Variants in PDZRN3 observed in about 807,000 individuals in gnomAD.
PDZRN3 encodes E3 ubiquitin-protein ligase PDZRN3.
In PDZRN3, 38 loss-of-function variants were observed where a neutral mutation model predicts 85.7. The ratio of observed to expected loss-of-function variants is 0.44; its 90% CI spans 0.34 to 0.58. The LOEUF (loss-of-function observed/expected upper bound fraction) is 0.58. Among genes scored for constraint, PDZRN3 ranks in the 20% least tolerant of loss-of-function variants. The pLI is 0.01. For synonymous variants in PDZRN3, 759 were observed against 638.0 expected (o/e 1.19, Z -2.86); for missense variants, 1,629 against 1,506.4 (o/e 1.08, Z -1.35).
intron 5 of PDZRN3, among the ~76,000 whole-genome samples, chr3:73,393,954 G>A (rs886224864): frequency 6.6e-6 from 1 of 152,090 alleles, no homozygotes; most frequent in African/African-American, 2.4e-5. Context: ...GGACTGTTAA[G>A]CTACAGAGTA....
intron 3 of PDZRN3, among the ~76,000 whole-genome samples, chr3:73,527,642 A>AG (rs1454871024): frequency 1.3e-5 from 2 of 152,190 alleles, no homozygotes; most frequent in African/African-American, 4.8e-5. Context: ...TCTATGAATA[A>AG]AGTTGTTTCA....
At chr3:73,452,839 C>CTCTGTGTGTGTGTGTGTGTGTGTG (rs1553690746) in intron 3 of PDZRN3, among the ~76,000 whole-genome samples, 2 of 140,618 alleles carry the variant, frequency 1.4e-5, no homozygotes, top group African/African-American at 5.4e-5. Context: ...GTCCATATAT[C>CTCTGTGTGTGTGTGTGTGTGTGTG]TGTGTGTGTG....
chr3:73,623,145 A>G (rs921707420), intron 1 of PDZRN3, among the ~76,000 whole-genome samples: 1 of 152,212 alleles, frequency 6.6e-6, no homozygotes, highest in African/African-American at 2.4e-5. Flanking sequence ...GATGTTAAAA[A>G]TAATTCTAGG....
At chr3:73,531,250 C>CAAAAA (rs60520136) in intron 3 of PDZRN3, among the ~76,000 whole-genome samples, 2 of 63,932 alleles carry the variant, frequency 3.1e-5, no homozygotes, top group Non-Finnish European at 6.0e-5. Context: ...GACTTCGTCT[C>CAAAAA]AAAAAAAAAA....
intron 3 of PDZRN3, among the ~76,000 whole-genome samples, chr3:73,545,382 C>CT (rs1293045202): frequency 1.3e-5 from 2 of 152,200 alleles, no homozygotes; most frequent in Non-Finnish European, 2.9e-5. Flanking sequence ...CTGGTAGCTA[C>CT]TGCTGTAAAG....
Position 73,624,836 on chromosome 3 carries a change from A to T in PDZRN3, c.-11T>A. ...CAGCTCGAAGCCCATGGTGGCGGCC[A>T]GGCCCCGGGGTCGCCGCCGGGCGGC... On this transcript the variant is annotated 5_prime_UTR_variant, in exon 1 of 10. Coordinates refer to ENST00000263666, the MANE Select transcript of PDZRN3 (RefSeq NM_015009.3). 1 of 1,294,242 alleles carries T rather than the reference A, an allele frequency of 7.7e-7. No individual in the cohort carries two copies. The highest frequency in any genetic ancestry group is 3.9e-5 in the Admixed American group (1 of 25,950). 80.2% of individuals were successfully genotyped at this position (1,294,242 alleles called of 1,614,324 possible).
chr3:73,384,014 G>C lies in PDZRN3; in HGVS notation c.2552C>G (p.Pro851Arg). The change falls in exon 10 of 10, where the codon CCC becomes CGC. Residue 851 changes from proline to arginine, a missense_variant. Coordinates refer to ENST00000263666, the MANE Select transcript of PDZRN3 (RefSeq NM_015009.3). The part of the protein sequence containing the change: ...RASDGSRSPT[P>R]SQKLGSAYLP... ...GTAGGCGCTGCCCAGCTTCTGGCTG[G>C]GCGTGGGGCTCCGGCTCCCGTCGCT... The C allele has an allele frequency of 6.3e-7, 1 of 1,590,994 alleles. No homozygotes were observed. The highest frequency in any genetic ancestry group is 8.5e-7 in the Non-Finnish European group (1 of 1,170,484).
At chr3:73,614,136 ATCT>A (rs1468534704) in intron 1 of PDZRN3, among the ~76,000 whole-genome samples, 1 of 152,154 alleles carries the variant, frequency 6.6e-6, no homozygotes, top group East Asian at 1.9e-4. Flanking sequence ...ACCCCAAATA[ATCT>A]TCTCAGCTTT....
At chr3:73,430,948 T>A (rs963929383) in intron 3 of PDZRN3, among the ~76,000 whole-genome samples, 2 of 152,224 alleles carry the variant, frequency 1.3e-5, no homozygotes, top group African/African-American at 4.8e-5. Flanking sequence ...AAGCAACTGT[T>A]AAATTTCAAA....
rs13315360 is a variant in PDZRN3 at position 73,416,720 on chromosome 3, A to G, written c.919-12325T>C. On this transcript the variant is annotated intron_variant, in intron 3 of 9. Coordinates refer to ENST00000263666, the MANE Select transcript of PDZRN3 (RefSeq NM_015009.3). ...AAACTCTCTGCAAAAAGGGATGCATATTCCCTAGCCCCAGTGGGGGAAGCT... is the reference window on the plus strand; with the variant it reads ...AAACTCTCTGCAAAAAGGGATGCATGTTCCCTAGCCCCAGTGGGGGAAGCT... 4.7e-3 allele frequency among the ~76,000 whole-genome samples: 715 copies of G among 152,266 alleles called. 9 individuals are homozygous for G. The highest frequency in any genetic ancestry group is 0.016 in the African/African-American group (665 of 41,540).
chr3:73,587,164 A>G (rs1419613607), intron 3 of PDZRN3, among the ~76,000 whole-genome samples: 1 of 152,244 alleles, frequency 6.6e-6, no homozygotes, highest in Non-Finnish European at 1.5e-5. Context: ...CCCTTTAGTG[A>G]GCCATGAAAT....
chr3:73,529,227 T>C (rs1293068389), intron 3 of PDZRN3, among the ~76,000 whole-genome samples: 1 of 152,222 alleles, frequency 6.6e-6, no homozygotes, highest in Admixed American at 6.5e-5. Context: ...TCTCAAGAGC[T>C]TGGTGGTCTA....
chr3:73,547,949 T>G (rs1701463937), intron 3 of PDZRN3, among the ~76,000 whole-genome samples: 1 of 152,216 alleles, frequency 6.6e-6, no homozygotes, highest in South Asian at 2.1e-4. Flanking sequence ...CTTACAAAAC[T>G]ACATTTTGAT....
intron 3 of PDZRN3, among the ~76,000 whole-genome samples, chr3:73,434,450 T>C (rs1446325390): frequency 6.6e-6 from 1 of 152,120 alleles, no homozygotes; most frequent in Non-Finnish European, 1.5e-5. Context: ...AATATAAAAA[T>C]TTAAATTGCA....
intron 3 of PDZRN3, among the ~76,000 whole-genome samples, chr3:73,510,584 C>T (rs575652887): frequency 1.3e-5 from 2 of 152,120 alleles, no homozygotes; most frequent in African/African-American, 2.4e-5. Flanking sequence ...TCATAGAGAT[C>T]GACTCCTGCA....
chr3:73,426,591 T>C lies in PDZRN3; in HGVS notation c.919-22196A>G, dbSNP rs142097531. Among the ~76,000 whole-genome samples the C allele has an allele frequency of 3.7e-3, 571 of 152,318 alleles. 3 individuals are homozygous for C. Among genetic ancestry groups the C allele is most frequent in the Non-Finnish European group, 6.7e-3 (457 of 68,022 alleles). On this transcript the variant is annotated intron_variant, in intron 3 of 9. Transcript: ENST00000263666. Reference sequence around the variant, plus strand: ...TCTAAGTGTCTGAGATGTGACTTCTTTGCTGCCTACTCATCCGACAAAGAC... The same window carrying C: ...TCTAAGTGTCTGAGATGTGACTTCTCTGCTGCCTACTCATCCGACAAAGAC...
At chr3:73,439,936 C>G (rs1320543352) in intron 3 of PDZRN3, among the ~76,000 whole-genome samples, 3 of 151,608 alleles carry the variant, frequency 2.0e-5, no homozygotes, top group South Asian at 2.1e-4. Context: ...TTGGGGTTCA[C>G]CATATTGGCC....
intron 3 of PDZRN3, among the ~76,000 whole-genome samples, chr3:73,482,865 G>A (rs979834356): frequency 2.0e-5 from 3 of 152,228 alleles, no homozygotes; most frequent in African/African-American, 7.2e-5. Context: ...CAGAAGCTAT[G>A]CTACTTGCTT....
Position 73,624,241 on chromosome 3 carries a change from C to A in PDZRN3, c.585G>T (p.Glu195Asp). Residue 195 changes from glutamate to aspartate, a missense_variant, in exon 1 of 10, where the codon GAG becomes GAT. Transcript: ENST00000263666. ...KKEALRAGKREKSLVAQLAAA... is the reference protein window; with the variant it reads ...KKEALRAGKRDKSLVAQLAAA... ...CGGCCAGCTGGGCCACCAGCGACTT[C>A]TCGCGCTTCCCAGCGCGCAGCGCCT... The A allele has an allele frequency of 6.8e-7, 1 of 1,469,690 alleles. No individual in the cohort carries two copies. The highest frequency in any genetic ancestry group is 1.3e-5 in the South Asian group (1 of 75,992). The allele number at this position is 1,469,690 out of a possible 1,614,324, so 91.0% of individuals were successfully genotyped here. A position where few individuals can be genotyped will look rare whatever the true frequency, so the allele number is the denominator to read the frequency against.
Sources: gnomAD v4.1 joint callset for allele counts (sites outside exome capture counted in the v4.1 genomes callset) on GRCh38, gnomAD v4.1.1 for gene constraint, MANE v1.5 for transcripts, NCBI Gene and HGNC (gene_info 2026-07-23, HGNC 2026-07-21) for gene names.